Variants in ZNF385C observed in about 807,000 individuals in gnomAD.
The protein encoded by ZNF385C is zinc finger protein 385C.
ZNF385C carries 28 observed loss-of-function variants against 35.4 expected under a neutral mutation model. The observed-to-expected ratio is 0.79, with a 90% CI of 0.59 to 1.08. The LOEUF is 1.08. Among genes scored for constraint, ZNF385C ranks in the 50% least tolerant of loss-of-function variants. The pLI is 0.00. For synonymous variants in ZNF385C, 248 were observed against 248.2 expected (o/e 1.00, Z 0.01); for missense variants, 605 against 595.6 (o/e 1.02, Z -0.16).
chr17:42,028,625 G>A (rs1453715638), intron 6 of ZNF385C, 158 bp downstream of exon 6: 1 of 923,072 alleles, frequency 1.1e-6, no homozygotes, highest in African/African-American at 1.7e-5. Context: ...AGGAGTAATG[G>A]GAGGACCCAG....
intron 5 of ZNF385C, 35 bp downstream of exon 5, chr17:42,031,584 T>G: frequency 6.6e-7 from 1 of 1,521,474 alleles, no homozygotes; most frequent in Admixed American, 2.1e-5. Context: ...AGATTTGGAG[T>G]GGAGACGTGG....
At chr17:42,028,706 T>C in intron 6 of ZNF385C, 77 bp downstream of exon 6, 1 of 1,479,454 alleles carries the variant, frequency 6.8e-7, no homozygotes, top group Non-Finnish European at 9.0e-7. Flanking sequence ...ACCCAGGAAC[T>C]CAAGCCTGCC....
chr17:42,046,896 T>G (rs1256165139), intron 2 of ZNF385C, among the ~76,000 whole-genome samples: 1 of 151,686 alleles, frequency 6.6e-6, no homozygotes, highest in Non-Finnish European at 1.5e-5. Context: ...ACAGTTTCAC[T>G]GTGTCACCCA....
chr17:42,063,599 G>A (rs1324270095), intron 1 of ZNF385C, among the ~76,000 whole-genome samples: 11 of 152,092 alleles, frequency 7.2e-5, no homozygotes, highest in African/African-American at 2.4e-4. Flanking sequence ...AAGGGTGTCC[G>A]ACATGTCTAC....
At chr17:42,049,359 C>G (rs1216974155) in intron 2 of ZNF385C, among the ~76,000 whole-genome samples, 3 of 152,020 alleles carry the variant, frequency 2.0e-5, no homozygotes, top group East Asian at 1.9e-4. Flanking sequence ...GCTTCATCCT[C>G]TCTCCACCCC....
chr17:42,055,106 C>T (rs1466550527), intron 2 of ZNF385C, among the ~76,000 whole-genome samples: 2 of 152,172 alleles, frequency 1.3e-5, no homozygotes, highest in East Asian at 1.9e-4. Flanking sequence ...TGCTAGCCCC[C>T]GACCCCCTCA....
Position 42,050,151 on chromosome 17 carries a change from G to A in ZNF385C, c.251-12266C>T, listed in dbSNP as rs2053250628. On this transcript the variant is annotated intron_variant, in intron 2 of 8. Coordinates refer to ENST00000692273, the MANE Select transcript of ZNF385C (RefSeq NM_001392013.1). The surrounding 1 kb of genome is among the most constrained non-coding windows in gnomAD (Gnocchi z 5.6). ...CTCCTCTCATTTCTCTCCACACCCT[G>A]ACCAGCCGGATGGGAGCAGGAACAA... Among the ~76,000 whole-genome samples, 2 of 148,296 alleles carry A rather than the reference G, an allele frequency of 1.3e-5. No individual in the cohort carries two copies. Among genetic ancestry groups the A allele is most frequent in the African/African-American group, 4.8e-5 (2 of 41,354 alleles).
chr17:42,078,907 C>T (rs1392939719), intron 1 of ZNF385C, among the ~76,000 whole-genome samples: 15 of 152,062 alleles, frequency 9.9e-5, no homozygotes, highest in African/African-American at 3.4e-4. Flanking sequence ...GTTGCAACTT[C>T]GCCACTAATC....
chr17:42,059,253 T>A (rs574247852), intron 2 of ZNF385C, among the ~76,000 whole-genome samples: 2 of 152,214 alleles, frequency 1.3e-5, no homozygotes, highest in African/African-American at 4.8e-5. Flanking sequence ...GCTGAAAAGG[T>A]CTGGTTCCAT....
chr17:42,041,456 T>C (rs2053019493), intron 2 of ZNF385C, among the ~76,000 whole-genome samples: 2 of 152,216 alleles, frequency 1.3e-5, no homozygotes, highest in African/African-American at 4.8e-5. Flanking sequence ...GGTCTAGTTT[T>C]CTCAGCTCTT....
rs1002494032 is a variant in ZNF385C, at chr17:42,095,013, C to T, written c.-3+3397G>A. ...TCTGACCTGGGGTGGGGTTTAGGAG[C>T]GCACAACCCTATACACAGACCTCTG... is the stretch of plus-strand genomic sequence containing the variant. On this transcript the variant is annotated intron_variant, in intron 1 of 8. Coordinates refer to ENST00000692273, the MANE Select transcript of ZNF385C (RefSeq NM_001392013.1). The surrounding 1 kb of genome is among the most constrained non-coding windows in gnomAD (Gnocchi z 4.4). Among the ~76,000 whole-genome samples, 5 of 152,070 alleles carry T rather than the reference C, an allele frequency of 3.3e-5. No homozygotes were observed. Among genetic ancestry groups the T allele is most frequent in the African/African-American group, 9.7e-5 (4 of 41,392 alleles).
chr17:42,031,558 C>T, intron 5 of ZNF385C, 61 bp downstream of exon 5: 1 of 1,509,202 alleles, frequency 6.6e-7, no homozygotes. Context: ...AATCTCTCAA[C>T]CCCTTGTCGG....
chr17:42,087,930 A>G (rs1237472023), intron 1 of ZNF385C, among the ~76,000 whole-genome samples: 1 of 152,246 alleles, frequency 6.6e-6, no homozygotes, highest in Non-Finnish European at 1.5e-5. Flanking sequence ...ACTATAAGCT[A>G]AAACACTGAT....
At chr17:42,029,613 C>G (rs1264790880) in intron 5 of ZNF385C, among the ~76,000 whole-genome samples, 9 of 152,156 alleles carry the variant, frequency 5.9e-5, no homozygotes, top group Non-Finnish European at 1.2e-4. Flanking sequence ...ACTCGGGAGG[C>G]TGAGGCAGGA....
In ZNF385C at chr17:42,027,703, T is replaced by C; in HGVS notation, c.1190A>G (p.Asp397Gly). ...KQHMSSRRHK[D>G]RLAGKTPKPS... ...CTTGGGGGTCTTCCCGGCCAGGCGG[T>C]CTTTGTGCCTCCTGCTGCTCATGTG... The change falls in exon 8 of 9, where the codon GAC becomes GGC. Residue 397 changes from aspartate (D) to glycine (G), a missense_variant. Coordinates refer to ENST00000692273, the MANE Select transcript of ZNF385C (RefSeq NM_001392013.1). 3.7e-6 allele frequency: 6 copies of C among 1,612,442 alleles called. No individual in the cohort carries two copies. The highest frequency in any genetic ancestry group is 5.1e-6 in the Non-Finnish European group (6 of 1,179,462).
intron 8 of ZNF385C, 73 bp from the exon 9 acceptor site, chr17:42,027,206 C>A: frequency 7.2e-7 from 1 of 1,397,152 alleles, no homozygotes; most frequent in South Asian, 1.2e-5. Flanking sequence ...GGCCCATCCT[C>A]AAGCTTTTTG....
At chr17:42,057,772 C>T (rs781874613) in intron 2 of ZNF385C, among the ~76,000 whole-genome samples, 9 of 151,960 alleles carry the variant, frequency 5.9e-5, no homozygotes, top group East Asian at 5.8e-4. Context: ...GGTGAAACTC[C>T]GTCTCTACTA....
intron 1 of ZNF385C, among the ~76,000 whole-genome samples, chr17:42,085,263 C>G (rs1386498690): frequency 1.3e-5 from 2 of 151,986 alleles, no homozygotes; most frequent in Non-Finnish European, 2.9e-5. Flanking sequence ...GAGACCCTGT[C>G]TGCAAAACAT....
chr17:42,039,877 C>T (rs1208697492), intron 2 of ZNF385C: 4 of 1,231,260 alleles, frequency 3.2e-6, no homozygotes, highest in Admixed American at 4.2e-5. Context: ...CTCCCGGCTG[C>T]GGCCGACCTT....
Sources: gnomAD v4.1 joint callset for allele counts (sites outside exome capture counted in the v4.1 genomes callset) on GRCh38, gnomAD v4.1.1 for gene constraint, Gnocchi (gnomAD v3.1) non-coding constraint, MANE v1.5 for transcripts, NCBI Gene and HGNC (gene_info 2026-07-23, HGNC 2026-07-21) for gene names.